Variants in DNAH9 observed in about 807,000 individuals in gnomAD.
DNAH9 encodes the protein DNAH9 variant protein.
A neutral mutation model predicts 471.6 loss-of-function variants in DNAH9; 345 were observed. The ratio of observed to expected loss-of-function variants is 0.73; its 90% CI spans 0.67 to 0.80. The LOEUF is 0.80. Among genes scored for constraint, DNAH9 ranks in the 30% least tolerant of loss-of-function variants. The pLI is 0.00. For synonymous variants in DNAH9, 2,093 were observed against 2,123.6 expected, an observed-to-expected ratio of 0.99 and a Z score of 0.40; for missense variants, 5,407 against 5,609.2, an observed-to-expected ratio of 0.96 and a Z score of 1.15.
At chr17:11,922,828 A>G (rs1974178296) in intron 61 of DNAH9, among the ~76,000 whole-genome samples, 1 of 152,220 alleles carries the variant, frequency 6.6e-6, no homozygotes, top group Admixed American at 6.5e-5. Context: ...GTAAAGTTCC[A>G]GAGAAGACAC....
chr17:11,935,402 G>C (rs1974674644), intron 65 of DNAH9, among the ~76,000 whole-genome samples: 1 of 145,362 alleles, frequency 6.9e-6, no homozygotes, highest in African/African-American at 2.6e-5. Flanking sequence ...ATAAGACGGA[G>C]TCTCACTCTG....
At position 11,822,583 on chromosome 17, in the gene DNAH9, A is replaced by G. The variant is rs1228853340; in HGVS notation, c.8996A>G (p.Asn2999Ser). The change falls in exon 47 of 69, where the codon AAC (asparagine) becomes AGC (serine). Residue 2999 changes from asparagine (N) to serine (S), a missense_variant. By Grantham distance (46) the Asn-to-Ser change is conservative. Coordinates refer to ENST00000262442, the MANE Select transcript of DNAH9 (RefSeq NM_001372.4). ...LESVSLRFLQ[N>S]TEGIEPTVKQ... ...TCTGTCAGCCTCCGCTTCTTGCAGA[A>G]CACAGAGGGCATTGAGGTGAGAGAG... is the stretch of plus-strand genomic sequence containing the variant. The G allele has an allele frequency of 1.2e-6, 2 of 1,614,062 alleles. No individual in the cohort carries two copies. The highest frequency in any genetic ancestry group is 2.2e-5 in the East Asian group (1 of 44,882).
intron 26 of DNAH9, among the ~76,000 whole-genome samples, chr17:11,713,355 A>G (rs574450461): frequency 3.9e-5 from 6 of 152,246 alleles, no homozygotes; most frequent in South Asian, 2.1e-4. Flanking sequence ...TAGTGCTGCA[A>G]TGAACATATG....
At chr17:11,681,659 A>G (rs979392384) in intron 19 of DNAH9, among the ~76,000 whole-genome samples, 4 of 152,082 alleles carry the variant, frequency 2.6e-5, no homozygotes, top group East Asian at 1.9e-4. Context: ...GGTCTCCTCT[A>G]TATTGTTGGG....
chr17:11,917,041 AG>A (rs1378610763), intron 61 of DNAH9, among the ~76,000 whole-genome samples: 1 of 152,098 alleles, frequency 6.6e-6, no homozygotes, highest in African/African-American at 2.4e-5. Flanking sequence ...AAGGAGGAGG[AG>A]GGGAAGGAAA....
Position 11,633,632 on chromosome 17 carries a change from C to T in DNAH9, c.1635+929C>T, listed in dbSNP as rs980723550. ...GGAAGCCTTTTGAGATTCCCCTCTC[C>T]AAGCATTTGAACCAATTCCAAAGAA... is the stretch of plus-strand genomic sequence containing the variant. On this transcript the variant is annotated intron_variant, in intron 8 of 68. Transcript: ENST00000262442. Among the ~76,000 whole-genome samples, 3 of 152,294 alleles carry T rather than the reference C, an allele frequency of 2.0e-5. No homozygotes were observed. The East Asian group carries it at 5.8e-4, about 29-fold the overall frequency.
At chr17:11,740,708 G>T (rs2075420282) in intron 29 of DNAH9, among the ~76,000 whole-genome samples, 1 of 152,182 alleles carries the variant, frequency 6.6e-6, no homozygotes, top group African/African-American at 2.4e-5. Flanking sequence ...AGTTTCTCCA[G>T]TGTTTAGTGA....
chr17:11,701,297 C>T (rs1346613119), intron 24 of DNAH9, 50 bp downstream of exon 24: 3 of 1,593,100 alleles, frequency 1.9e-6, no homozygotes, highest in Non-Finnish European at 2.6e-6. Context: ...CTGTCTTCCT[C>T]CGCAGCCTCC....
At chr17:11,873,872 G>A (rs1185049259) in intron 52 of DNAH9, among the ~76,000 whole-genome samples, 1 of 152,030 alleles carries the variant, frequency 6.6e-6, no homozygotes, top group Non-Finnish European at 1.5e-5. Flanking sequence ...ACTTTAAAAT[G>A]ATTAATTTAT....
chr17:11,784,632 T>C (rs975704764), intron 41 of DNAH9, 93 bp downstream of exon 41: 5 of 1,553,630 alleles, frequency 3.2e-6, no homozygotes, highest in East Asian at 2.2e-5. Flanking sequence ...GCCCAGCTCA[T>C]AGGCACAGGC....
At position 11,958,194 on chromosome 17, in the gene DNAH9, G is replaced by A. The variant is rs183157657; in HGVS notation, c.12844-3673G>A. Among the ~76,000 whole-genome samples, 222 of 152,300 alleles carry A rather than the reference G, an allele frequency of 1.5e-3. 3 individuals carry two copies. The highest frequency in any genetic ancestry group is 1.9e-3 in the Non-Finnish European group (129 of 68,022). On this transcript the variant is annotated intron_variant, in intron 67 of 68. Transcript: ENST00000262442. ...CTACATACTGTATTATTCTAACTATGTGACATTCTGAAAAATGGAAAACAA... is the reference window on the plus strand; with the variant it reads ...CTACATACTGTATTATTCTAACTATATGACATTCTGAAAAATGGAAAACAA...
chr17:11,791,995 T>C (rs761553933), intron 41 of DNAH9, among the ~76,000 whole-genome samples: 1 of 152,086 alleles, frequency 6.6e-6, no homozygotes, highest in African/African-American at 2.4e-5. Context: ...AAAGTGATCA[T>C]GAGGGGCTGG....
intron 62 of DNAH9, chr17:11,925,368 C>T (rs1974287153): frequency 3.4e-6 from 1 of 293,672 alleles, no homozygotes; most frequent in Non-Finnish European, 6.9e-6. Context: ...CATCTTGCTG[C>T]TGGGTCTTTG....
chr17:11,721,070 G>A (rs2075048892), intron 27 of DNAH9, among the ~76,000 whole-genome samples: 2 of 152,088 alleles, frequency 1.3e-5, no homozygotes, highest in Non-Finnish European at 2.9e-5. Context: ...TGTAGAAGAC[G>A]TGGTGTATTG....
At chr17:11,766,608 C>T (rs895387606) in intron 36 of DNAH9, among the ~76,000 whole-genome samples, 2 of 152,250 alleles carry the variant, frequency 1.3e-5, no homozygotes, top group Middle Eastern at 6.8e-3. Context: ...ACTGTGAGAG[C>T]CCAGGGGACA....
chr17:11,672,879 C>A (rs2073993767), intron 17 of DNAH9, among the ~76,000 whole-genome samples: 1 of 152,186 alleles, frequency 6.6e-6, no homozygotes, highest in Non-Finnish European at 1.5e-5. Context: ...TGTTATCTTT[C>A]CACCTCACTT....
intron 20 of DNAH9, 140 bp from the exon 21 acceptor site, chr17:11,693,728 T>G: frequency 1.1e-6 from 1 of 916,250 alleles, no homozygotes; most frequent in Non-Finnish European, 1.7e-6. Context: ...CAGCTTAAAC[T>G]AAGGGTGTTT....
intron 27 of DNAH9, among the ~76,000 whole-genome samples, chr17:11,724,802 A>G (rs1230938259): frequency 6.6e-6 from 1 of 152,200 alleles, no homozygotes; most frequent in African/African-American, 2.4e-5. Context: ...GGATGATTCA[A>G]GCACATTACA....
Position 11,807,900 on chromosome 17 carries a change from A to C in DNAH9, c.8583+6A>C. ...ACCAGATCCAGGACTTCAAGGTAAAAGGTCAGGCAGCTGCAGGGAGGAGGC... is the reference window on the plus strand; with the variant it reads ...ACCAGATCCAGGACTTCAAGGTAAACGGTCAGGCAGCTGCAGGGAGGAGGC... On this transcript the variant is annotated splice_donor_region_variant and intron_variant, in intron 44 of 68. Transcript: ENST00000262442. The C allele has an allele frequency of 6.3e-7, 1 of 1,594,622 alleles. No individual in the cohort carries two copies. The highest frequency in any genetic ancestry group is 2.3e-5 in the East Asian group (1 of 44,364).
Sources: gnomAD v4.1 joint callset for allele counts (sites outside exome capture counted in the v4.1 genomes callset) on GRCh38, gnomAD v4.1.1 for gene constraint, MANE v1.5 for transcripts, NCBI Gene and HGNC (gene_info 2026-07-23, HGNC 2026-07-21) for gene names.